AMD1: variants seen among roughly 807,000 people sequenced by gnomAD.
AMD1 encodes S-adenosylmethionine decarboxylase proenzyme.
AMD1 carries 11 observed loss-of-function variants against 40.2 expected under a neutral mutation model. The observed-to-expected ratio is 0.27, with a 90% confidence interval of 0.17 to 0.45. The LOEUF (loss-of-function observed/expected upper bound fraction) is 0.45, where lower values mean the gene tolerates loss of function less well. Among genes scored for constraint, AMD1 ranks in the 20% least tolerant of loss-of-function variants. The pLI, the probability that AMD1 is intolerant of heterozygous loss-of-function variation, is 1.00. For synonymous variants in AMD1, 121 were observed against 130.8 expected (o/e 0.93, Z 0.51); for missense variants, 257 against 410.2 (o/e 0.63, Z 3.23).
intron 4 of AMD1, chr6:110,891,836 G>T: frequency 3.4e-6 from 1 of 294,590 alleles, no homozygotes; most frequent in Non-Finnish European, 6.4e-6. Context: ...TCCGCCTCCC[G>T]GGTTCAAGCA....
the AMD1 span, among the ~76,000 whole-genome samples, chr6:110,854,409 A>C: frequency 6.6e-6 from 1 of 152,118 alleles, no homozygotes; most frequent in Non-Finnish European, 1.5e-5. Flanking sequence ...AAGGAAAACA[A>C]ATGAGTACAA....
the AMD1 span, among the ~76,000 whole-genome samples, chr6:110,854,709 A>T: frequency 6.6e-6 from 1 of 152,138 alleles, no homozygotes; most frequent in South Asian, 2.1e-4. Flanking sequence ...CGGCCTCCCA[A>T]AGTGCTAGGA....
At chr6:110,824,069 A>T in the AMD1 span, among the ~76,000 whole-genome samples, 2 of 152,224 alleles carry the variant, frequency 1.3e-5, no homozygotes, top group Admixed American at 6.5e-5. Flanking sequence ...TGTACTGAGT[A>T]TCTACCCAAA....
intron 1 of AMD1, among the ~76,000 whole-genome samples, chr6:110,879,193 T>G (rs1439207602): frequency 6.6e-6 from 1 of 151,938 alleles, no homozygotes; most frequent in Non-Finnish European, 1.5e-5. Flanking sequence ...AATTGAAAAA[T>G]TATCTGTGCG....
chr6:110,861,946 A>G, the AMD1 span, among the ~76,000 whole-genome samples: 2 of 152,108 alleles, frequency 1.3e-5, no homozygotes, highest in Admixed American at 6.5e-5. Flanking sequence ...TTAATCTTCC[A>G]ATGTTGCTGT....
chr6:110,859,086 G>A, the AMD1 span: 49 of 1,283,688 alleles, frequency 3.8e-5, no homozygotes, highest in Non-Finnish European at 4.8e-5. Context: ...TCCCTCGGGC[G>A]CGCAGGCTCG....
At chr6:110,827,290 C>CTTTT in the AMD1 span, among the ~76,000 whole-genome samples, 10 of 145,794 alleles carry the variant, frequency 6.9e-5, no homozygotes, top group Middle Eastern at 3.6e-3. Context: ...ATTTTTCTTT[C>CTTTT]TTTTTTTTTT....
At chr6:110,844,435 GGCAT>G in the AMD1 span, among the ~76,000 whole-genome samples, 1 of 151,594 alleles carries the variant, frequency 6.6e-6, no homozygotes, top group Admixed American at 6.6e-5. Flanking sequence ...TGGGATTATA[GGCAT>G]GAGCCGCCTT....
the AMD1 span, among the ~76,000 whole-genome samples, chr6:110,843,120 G>A: frequency 2.1e-4 from 31 of 144,990 alleles, no homozygotes; most frequent in African/African-American, 6.9e-4. Context: ...GCGACAAAGC[G>A]AGACTCCCTC....
chr6:110,849,620 A>G, the AMD1 span, among the ~76,000 whole-genome samples: 1 of 152,070 alleles, frequency 6.6e-6, no homozygotes, highest in Non-Finnish European at 1.5e-5. Flanking sequence ...CATTTACACA[A>G]TTTTTTTTAA....
the AMD1 span, among the ~76,000 whole-genome samples, chr6:110,838,843 A>G: frequency 5.9e-5 from 9 of 152,212 alleles, no homozygotes; most frequent in African/African-American, 2.2e-4. Context: ...TGAGTGAAAC[A>G]GCAAAACCTC....
upstream of AMD1, among the ~76,000 whole-genome samples, chr6:110,870,368 T>A (rs145058073): frequency 2.0e-5 from 3 of 152,288 alleles, no homozygotes; most frequent in East Asian, 5.8e-4. Flanking sequence ...CTCACACTTG[T>A]AATGCCAGCA....
the AMD1 span, among the ~76,000 whole-genome samples, chr6:110,865,060 C>T: frequency 6.6e-6 from 1 of 152,184 alleles, no homozygotes; most frequent in East Asian, 1.9e-4. Context: ...GGAGAAAGAC[C>T]TTGCTTTGGA....
intron 2 of AMD1, 46 bp downstream of exon 2, chr6:110,887,637 T>C: frequency 2.2e-6 from 3 of 1,352,586 alleles, no homozygotes; most frequent in Non-Finnish European, 3.1e-6. Flanking sequence ...TCAGTCCTAA[T>C]CATAATGTGA....
chr6:110,852,060 T>TG, the AMD1 span, among the ~76,000 whole-genome samples: 9 of 151,442 alleles, frequency 5.9e-5, no homozygotes, highest in African/African-American at 2.2e-4. Flanking sequence ...TTTTTTGTTT[T>TG]TTTTTTTTTT....
chr6:110,852,490 G>T, the AMD1 span, among the ~76,000 whole-genome samples: 1 of 151,968 alleles, frequency 6.6e-6, no homozygotes, highest in African/African-American at 2.4e-5. Context: ...AAAGTGCTGG[G>T]ATTACAGGCG....
rs761062041 is a variant in AMD1, at chr6:110,892,726, C to CT, written c.616-9_616-8insT. 126 of 1,606,260 alleles carry CT rather than the reference C, an allele frequency of 7.8e-5. 1 individual carries two copies. Among genetic ancestry groups the CT allele is most frequent in the Middle Eastern group, 1.9e-4 (1 of 5,162 alleles). ...ACCCTTGTTAAACTCGGTCTTTTTC[C>CT]CCCCCCAGGAGAGTGGAATTCGTGA... On this transcript the variant is annotated splice_polypyrimidine_tract_variant and intron_variant, in intron 6 of 8. Transcript: ENST00000368885.
the AMD1 span, among the ~76,000 whole-genome samples, chr6:110,863,630 A>C: frequency 6.6e-6 from 1 of 151,860 alleles, no homozygotes; most frequent in Admixed American, 6.6e-5. Flanking sequence ...TCGGCCTTCC[A>C]AAGTGCTGGG....
chr6:110,857,676 CAT>C, the AMD1 span, among the ~76,000 whole-genome samples: 163 of 134,956 alleles, frequency 1.2e-3, no homozygotes, highest in Middle Eastern at 0.012. Context: ...ATACAGATGG[CAT>C]ATATATATAT....
Sources: allele counts gnomAD v4.1 joint callset (sites outside exome capture counted in the v4.1 genomes callset), GRCh38; gene constraint gnomAD v4.1.1; transcripts MANE v1.5; gene names NCBI Gene and HGNC (gene_info 2026-07-23, HGNC 2026-07-21).